DLG1: variants seen among roughly 807,000 people sequenced by gnomAD.
DLG1 encodes the protein disks large homolog 1.
In DLG1, 42 loss-of-function variants were observed where a neutral mutation model predicts 123.4. The observed-to-expected ratio is 0.34, with a 90% CI of 0.27 to 0.44. The LOEUF (loss-of-function observed/expected upper bound fraction) is 0.44, where lower values mean the gene tolerates loss of function less well. Ranked by LOEUF, DLG1 falls within the 20% of genes least tolerant of loss-of-function variation. The pLI, the probability that DLG1 is intolerant of heterozygous loss-of-function variation, is 1.00. For synonymous variants in DLG1, 317 were observed against 356.2 expected (o/e 0.89, Z 1.24); for missense variants, 942 against 1,082.6 (o/e 0.87, Z 1.82).
chr3:197,276,702 T>C (rs530043020), intron 4 of DLG1, among the ~76,000 whole-genome samples: 1 of 152,122 alleles, frequency 6.6e-6, no homozygotes, highest in African/African-American at 2.4e-5. Flanking sequence ...TCCTAATATA[T>C]AATTTATCTT....
At chr3:197,075,887 C>T (rs760921640) in intron 18 of DLG1, 1 of 1,607,448 alleles carries the variant, frequency 6.2e-7, no homozygotes, top group Non-Finnish European at 8.5e-7. Flanking sequence ...AGGGTAGTCC[C>T]CAGAGAGCAA....
chr3:197,146,546 G>A (rs1790852164), intron 6 of DLG1, among the ~76,000 whole-genome samples: 1 of 152,158 alleles, frequency 6.6e-6, no homozygotes, highest in Non-Finnish European at 1.5e-5. Context: ...ACATAAAGTG[G>A]GGAAAGGACA....
chr3:197,254,452 G>GA (rs1755905617), intron 4 of DLG1, among the ~76,000 whole-genome samples: 1 of 152,144 alleles, frequency 6.6e-6, no homozygotes, highest in African/African-American at 2.4e-5. Flanking sequence ...TCCTGAAAAG[G>GA]AAAGAACACT....
intron 5 of DLG1, among the ~76,000 whole-genome samples, chr3:197,151,409 TAGA>T (rs1793790378): frequency 1.3e-5 from 2 of 152,178 alleles, no homozygotes; most frequent in South Asian, 4.1e-4. Flanking sequence ...CATCATTTTA[TAGA>T]AGTTACCTTT....
intron 11 of DLG1, among the ~76,000 whole-genome samples, chr3:197,129,831 A>G (rs1781599911): frequency 6.6e-6 from 1 of 152,200 alleles, no homozygotes; most frequent in Non-Finnish European, 1.5e-5. Context: ...AGGAGCAGTC[A>G]GAACACACAC....
At chr3:197,265,964 C>A (rs764766671) in intron 4 of DLG1, among the ~76,000 whole-genome samples, 3 of 152,142 alleles carry the variant, frequency 2.0e-5, no homozygotes, top group Non-Finnish European at 2.9e-5. Context: ...GTAGGAGAAT[C>A]ACTTGAACCC....
chr3:197,203,241 G>A (rs548418006), intron 4 of DLG1, among the ~76,000 whole-genome samples: 6 of 152,202 alleles, frequency 3.9e-5, no homozygotes, highest in African/African-American at 1.4e-4. Flanking sequence ...TCCAGCCTAG[G>A]CAACAGAGTG....
At chr3:197,298,807 A>G (rs1006681111), upstream of DLG1, among the ~76,000 whole-genome samples, 2 of 152,198 alleles carry the variant, frequency 1.3e-5, no homozygotes, top group Admixed American at 6.5e-5. Flanking sequence ...GGGTTTCATT[A>G]CAGAAGGACA....
chr3:197,205,672 GA>G (rs1561447582), intron 4 of DLG1, among the ~76,000 whole-genome samples: 2 of 152,186 alleles, frequency 1.3e-5, no homozygotes. Context: ...AATTAATGGT[GA>G]AATATACTCA....
At position 197,282,871 on chromosome 3, in the gene DLG1, T is replaced by C. The variant is rs572795657; in HGVS notation, c.152-26A>G. The C allele has an allele frequency of 4.4e-6, 6 of 1,369,202 alleles. No individual in the cohort carries two copies. In the African/African-American group the frequency reaches 7.3e-5, roughly 17 times the overall value. The allele number at this position is 1,369,202 out of a possible 1,614,324, so 84.8% of individuals were successfully genotyped here. A position where few individuals can be genotyped will look rare whatever the true frequency, so the allele number is the denominator to read the frequency against. ...CTAGAAGAAGGAAAATAAAAATTCA[T>C]AAGTATTTATATTTTCTAACTAAAT... is the stretch of plus-strand genomic sequence containing the variant. On this transcript the variant is annotated intron_variant, in intron 3 of 24. Coordinates refer to ENST00000667157, the MANE Select transcript of DLG1 (RefSeq NM_001366207.1).
chr3:197,184,719 T>C (rs866023505), intron 5 of DLG1, among the ~76,000 whole-genome samples: 2 of 152,212 alleles, frequency 1.3e-5, no homozygotes, highest in Non-Finnish European at 1.5e-5. Context: ...GGTCATAAAT[T>C]TCTAAAAATG....
chr3:197,194,490 T>C lies in DLG1; in HGVS notation c.418A>G (p.Lys140Glu). Residue 140 changes from lysine to glutamate, a missense_variant, in exon 5 of 25, where the codon AAG becomes GAG. By Grantham distance (56) the Lys-to-Glu change is moderately conservative (BLOSUM62 1). Transcript: ENST00000667157. ...IGPELVHVSE[K>E]NLSEIENVHG... is the part of the protein sequence containing the mutation. ...ACATTCTCAATCTCTGATAAGTTCT[T>C]CTCTGAGACATGAACCAATTCTGGA... 6.2e-7 allele frequency: 1 copy of C among 1,606,530 alleles called. No homozygotes were observed. The highest frequency in any genetic ancestry group is 8.5e-7 in the Non-Finnish European group (1 of 1,177,134).
intron 4 of DLG1, among the ~76,000 whole-genome samples, chr3:197,250,854 C>T (rs1259567155): frequency 2.0e-5 from 3 of 150,356 alleles, no homozygotes; most frequent in African/African-American, 7.3e-5. Flanking sequence ...ATTAGCCAGG[C>T]GCAGTGGCAG....
intron 4 of DLG1, among the ~76,000 whole-genome samples, chr3:197,280,147 C>A (rs1768526973): frequency 6.6e-6 from 1 of 152,144 alleles, no homozygotes; most frequent in Admixed American, 6.5e-5. Context: ...CTCTCCCACC[C>A]TTCCCAGTCT....
intron 4 of DLG1, among the ~76,000 whole-genome samples, chr3:197,250,532 G>A (rs532501406): frequency 2.7e-4 from 41 of 149,890 alleles, no homozygotes; most frequent in African/African-American, 9.8e-4. Flanking sequence ...TCATGCCACT[G>A]CACTCCAGCC....
chr3:197,132,141 T>G (rs1782947488), intron 10 of DLG1, among the ~76,000 whole-genome samples: 1 of 152,100 alleles, frequency 6.6e-6, no homozygotes, highest in Non-Finnish European at 1.5e-5. Context: ...AGGTTTGTCA[T>G]TTTGTTGATT....
chr3:197,192,210 G>C (rs1719977465), intron 5 of DLG1, among the ~76,000 whole-genome samples: 1 of 151,860 alleles, frequency 6.6e-6, no homozygotes, highest in South Asian at 2.1e-4. Flanking sequence ...GGAAGGAATA[G>C]TCTCTAATGT....
chr3:197,202,260 ACT>A (rs1366477873), intron 4 of DLG1, among the ~76,000 whole-genome samples: 4 of 152,234 alleles, frequency 2.6e-5, no homozygotes, highest in South Asian at 4.1e-4. Context: ...TCAAGGAAAC[ACT>A]GATTGCTGCA....
chr3:197,097,643 C>T (rs564478687), intron 14 of DLG1, among the ~76,000 whole-genome samples: 5 of 146,800 alleles, frequency 3.4e-5, no homozygotes, highest in Admixed American at 2.1e-4. Flanking sequence ...TGCAGTGGCG[C>T]GATCTCGGCT....
Sources: gnomAD v4.1 joint callset for allele counts (sites outside exome capture counted in the v4.1 genomes callset) on GRCh38, gnomAD v4.1.1 for gene constraint, MANE v1.5 for transcripts, NCBI Gene and HGNC (gene_info 2026-07-23, HGNC 2026-07-21) for gene names.